Variants in MORC1 observed in about 807,000 individuals in gnomAD.
MORC1 encodes the protein MORC family CW-type zinc finger 1.
MORC1 carries 59 observed loss-of-function variants against 134.9 expected under a neutral mutation model. The observed-to-expected ratio is 0.44, with a 90% CI of 0.35 to 0.54. MORC1 has a LOEUF of 0.54. Ranked by LOEUF, MORC1 falls within the 20% of genes least tolerant of loss-of-function variation. The pLI is 0.00. For synonymous variants in MORC1, 395 were observed against 391.7 expected (o/e 1.01, Z -0.10); for missense variants, 947 against 1,134.5 (o/e 0.83, Z 2.37).
chr3:109,088,582 A>C (rs1476158805), intron 8 of MORC1, among the ~76,000 whole-genome samples: 2 of 152,150 alleles, frequency 1.3e-5, no homozygotes, highest in Non-Finnish European at 2.9e-5. Context: ...GAGAGGCTGC[A>C]GAGAAAAGGG....
intron 21 of MORC1, among the ~76,000 whole-genome samples, chr3:108,994,706 C>A (rs569381034): frequency 3.3e-5 from 5 of 151,856 alleles, no homozygotes; most frequent in Non-Finnish European, 7.4e-5. Flanking sequence ...GTACTTTTAT[C>A]GCTCTGTCTT....
At position 108,976,117 on chromosome 3, in the gene MORC1, T is replaced by G. The variant is rs926452181; in HGVS notation, c.2477+3398A>C. Among the ~76,000 whole-genome samples the G allele has an allele frequency of 1.2e-4, 19 of 152,080 alleles. 1 individual carries two copies. Among genetic ancestry groups the G allele is most frequent in the African/African-American group, 3.9e-4 (16 of 41,408 alleles). ...CAAGAAGTAATATAAGACAGGAAAA[T>G]GCCTGACTGAGCATAATTAGGTAAT... On this transcript the variant is annotated intron_variant, in intron 24 of 27. Transcript: ENST00000232603.
intron 8 of MORC1, among the ~76,000 whole-genome samples, chr3:109,081,383 T>C (rs2107733970): frequency 6.6e-6 from 1 of 151,166 alleles, no homozygotes; most frequent in African/African-American, 2.4e-5. Context: ...AGAACTCAAA[T>C]ATCAGGATGG....
chr3:109,075,475 A>G lies in MORC1; in HGVS notation c.690-5718T>C, dbSNP rs528410779. ...GTCTTTAATCCATCTTAATTTTTAT[A>G]TAAGGTGTAAGAAAGGGGTCCAGTT... On this transcript the variant is annotated intron_variant, in intron 8 of 27. Coordinates refer to ENST00000232603, the MANE Select transcript of MORC1 (RefSeq NM_014429.4). 3.9e-5 allele frequency among the ~76,000 whole-genome samples: 6 copies of G among 152,262 alleles called. No individual in the cohort carries two copies. The South Asian group carries it at 8.3e-4, about 21-fold the overall frequency.
At chr3:109,079,003 T>C (rs1334886005) in intron 8 of MORC1, among the ~76,000 whole-genome samples, 1 of 151,888 alleles carries the variant, frequency 6.6e-6, no homozygotes, top group Admixed American at 6.6e-5. Flanking sequence ...AATAAAGTAA[T>C]AAGGCAACCA....
chr3:108,967,411 C>G (rs948275180), intron 26 of MORC1, among the ~76,000 whole-genome samples: 12 of 152,106 alleles, frequency 7.9e-5, no homozygotes, highest in African/African-American at 2.9e-4. Flanking sequence ...ACAGGAAGAT[C>G]CAGGAGCCTT....
chr3:109,041,403 A>G (rs1949542830), intron 14 of MORC1, among the ~76,000 whole-genome samples: 1 of 152,084 alleles, frequency 6.6e-6, no homozygotes, highest in Non-Finnish European at 1.5e-5. Context: ...TCTAATGAAC[A>G]ACAACAAAAA....
At position 109,057,366 on chromosome 3, in the gene MORC1, G is replaced by A; in HGVS notation, c.1152C>T (p.Gly384=). The A allele has an allele frequency of 3.7e-6, 6 of 1,610,066 alleles. No individual in the cohort carries two copies. Among genetic ancestry groups the A allele is most frequent in the Non-Finnish European group, 4.2e-6 (5 of 1,178,362 alleles). Residue 384 remains glycine, a synonymous_variant, in exon 13 of 28, where the codon GGC becomes GGT. Transcript: ENST00000232603. ...ACAAGGACTTCAGTTTCAACTGTGA[G>A]CCCACTTTTTCATGCATTTTGATCA... The part of the protein sequence containing the change: ...NRLIKMHEKV[G]SQLKLKSLLG...
At chr3:109,084,467 AAAG>A (rs1950580191) in intron 8 of MORC1, among the ~76,000 whole-genome samples, 2 of 152,152 alleles carry the variant, frequency 1.3e-5, no homozygotes, top group African/African-American at 4.8e-5. Flanking sequence ...AGATCTATAC[AAAG>A]AAAATTATAA....
chr3:109,009,495 C>T (rs114135256), intron 17 of MORC1, among the ~76,000 whole-genome samples: 10,922 of 152,214 alleles, frequency 0.072, 517 homozygotes, highest in Non-Finnish European at 0.11. Context: ...TGAGCCACCA[C>T]GCCTGGCCCT....
chr3:109,004,073 AAATAAG>A (rs71629377), intron 20 of MORC1, among the ~76,000 whole-genome samples: 26 of 152,270 alleles, frequency 1.7e-4, no homozygotes, highest in Middle Eastern at 3.4e-3. Flanking sequence ...GTCTCAAAAA[AAATAAG>A]AATAAGAATA....
chr3:108,987,038 G>T, intron 21 of MORC1, 89 bp from the exon 22 acceptor site: 1 of 933,384 alleles, frequency 1.1e-6, no homozygotes, highest in Non-Finnish European at 1.5e-6. Flanking sequence ...AGTGTCCCCA[G>T]CAGAAAAGAA....
At chr3:108,990,178 T>G (rs1262467799) in intron 21 of MORC1, among the ~76,000 whole-genome samples, 1 of 152,166 alleles carries the variant, frequency 6.6e-6, no homozygotes, top group Non-Finnish European at 1.5e-5. Flanking sequence ...TATTTCTTCA[T>G]AGCAGTATGA....
In MORC1 at chr3:109,099,276, C is replaced by A. The variant is rs75540109; in HGVS notation, c.423+82G>T. On this transcript the variant is annotated intron_variant, in intron 6 of 27. Coordinates refer to ENST00000232603, the MANE Select transcript of MORC1 (RefSeq NM_014429.4). Reference sequence around the variant, plus strand: ...TTTCTAAATAATATCAGAAAGAACCCATGACAAGACTTCACCTCCTGAGAG... The same window carrying A: ...TTTCTAAATAATATCAGAAAGAACCAATGACAAGACTTCACCTCCTGAGAG... 12 of 932,478 alleles carry A rather than the reference C, an allele frequency of 1.3e-5. No homozygotes were observed. In the African/African-American group the frequency reaches 1.4e-4, roughly 10 times the overall value. 57.8% of individuals were successfully genotyped at this position (932,478 alleles called of 1,614,324 possible).
chr3:109,075,482 G>A (rs112621625), intron 8 of MORC1, among the ~76,000 whole-genome samples: 2 of 152,288 alleles, frequency 1.3e-5, no homozygotes, highest in South Asian at 2.1e-4. Context: ...TATATAAGGT[G>A]TAAGAAAGGG....
intron 6 of MORC1, among the ~76,000 whole-genome samples, chr3:109,097,084 C>T (rs1199624393): frequency 2.0e-5 from 3 of 152,206 alleles, no homozygotes; most frequent in Admixed American, 2.0e-4. Context: ...CAGCAAGTGA[C>T]CAGCACAATG....
intron 6 of MORC1, among the ~76,000 whole-genome samples, chr3:109,096,499 C>T (rs1950833961): frequency 6.6e-6 from 1 of 152,118 alleles, no homozygotes. Context: ...CTACCAGTGC[C>T]ATGACAGTTT....
intron 22 of MORC1, 149 bp downstream of exon 22, chr3:108,986,731 C>A (rs925081462): frequency 5.5e-6 from 3 of 542,544 alleles, no homozygotes; most frequent in Middle Eastern, 5.2e-4. Flanking sequence ...TCTCTCTACT[C>A]CTCTCACTTC....
chr3:108,970,206 C>T (rs1947340262), intron 25 of MORC1, among the ~76,000 whole-genome samples: 1 of 151,766 alleles, frequency 6.6e-6, no homozygotes, highest in African/African-American at 2.4e-5. Flanking sequence ...AGCCTTCAGA[C>T]ATGCCAACAT....
Sources: gnomAD v4.1 joint callset for allele counts (sites outside exome capture counted in the v4.1 genomes callset) on GRCh38, gnomAD v4.1.1 for gene constraint, MANE v1.5 for transcripts, NCBI Gene and HGNC (gene_info 2026-07-23, HGNC 2026-07-21) for gene names.